Variants in MESP1 observed in about 807,000 individuals in gnomAD.
MESP1 encodes the protein mesoderm posterior bHLH transcription factor 1.
A neutral mutation model predicts 15.2 loss-of-function variants in MESP1; 22 were observed. The ratio of observed to expected loss-of-function variants is 1.45; its 90% CI spans 1.04 to 2.07. MESP1 has a LOEUF of 2.07. Ranked by LOEUF, MESP1 falls within the 30% of genes most tolerant of loss-of-function variation. MESP1 has a pLI of 0.00. For missense variants in MESP1, 484 were observed against 411.9 expected (o/e 1.17, Z -1.51); for synonymous variants, 216 against 192.6 (o/e 1.12, Z -1.01).
At chr15:89,736,942 C>T in the MESP1 span, among the ~76,000 whole-genome samples, 1 of 152,132 alleles carries the variant, frequency 6.6e-6, no homozygotes, top group Non-Finnish European at 1.5e-5. Context: ...CAGGTGCCCG[C>T]TAGCACGCCA....
the MESP1 span, among the ~76,000 whole-genome samples, chr15:89,742,149 A>T: frequency 6.6e-6 from 1 of 152,334 alleles, no homozygotes; most frequent in South Asian, 2.1e-4. Context: ...GCAGTTTGGG[A>T]GACAGAGATG....
the MESP1 span, among the ~76,000 whole-genome samples, chr15:89,734,986 C>CTCCTTCCT: frequency 6.7e-5 from 10 of 149,784 alleles, no homozygotes; most frequent in African/African-American, 2.5e-4. Context: ...CCCTCCGTCC[C>CTCCTTCCT]TCCTTCCTTC....
chr15:89,750,772 G>T lies in MESP1; in HGVS notation c.460C>A (p.Arg154Ser). The T allele has an allele frequency of 6.7e-7, 1 of 1,496,604 alleles. No individual in the cohort carries two copies. The highest frequency in any genetic ancestry group is 8.9e-7 in the Non-Finnish European group (1 of 1,127,966). 92.7% of individuals were successfully genotyped at this position (1,496,604 alleles called of 1,614,324 possible). ...CCCCGAGGGGACCCCGCGTCACCGCGCTGCCGGCACCGGCGCTGGAGACTC... is the reference window on the plus strand; with the variant it reads ...CCCCGAGGGGACCCCGCGTCACCGCTCTGCCGGCACCGGCGCTGGAGACTC... ...EESLQRRCRQ[R>S]GDAGSPRGCP... Residue 154 changes from arginine (R) to serine (S), a missense_variant, in exon 1 of 2, where the codon CGC becomes AGC. Arg to Ser is a moderately radical substitution (Grantham distance 110). Transcript: ENST00000300057.
In MESP1 at chr15:89,750,887, G is replaced by T; in HGVS notation, c.345C>A (p.Pro115=). ...LRRFLPPSVA[P]AGQSLTKIET... is the part of the protein sequence containing the mutation. ...CGATCTTGGTCAGGCTCTGGCCCGC[G>T]GGCGCCACGGACGGCGGTAGAAAGC... Residue 115 remains proline (P), a synonymous_variant, in exon 1 of 2, where the codon CCC becomes CCA. Transcript: ENST00000300057. 1 of 1,498,894 alleles carries T rather than the reference G, an allele frequency of 6.7e-7. No individual in the cohort carries two copies. Among genetic ancestry groups the T allele is most frequent in the East Asian group, 2.8e-5 (1 of 36,350 alleles). 92.8% of individuals were successfully genotyped at this position (1,498,894 alleles called of 1,614,324 possible).
At chr15:89,739,115 C>CAA in the MESP1 span, among the ~76,000 whole-genome samples, 27 of 127,232 alleles carry the variant, frequency 2.1e-4, no homozygotes, top group East Asian at 5.8e-3. Flanking sequence ...GACCCTGCCT[C>CAA]AAAAAAAAAA....
chr15:89,742,269 T>C, the MESP1 span, among the ~76,000 whole-genome samples: 1 of 152,074 alleles, frequency 6.6e-6, no homozygotes, highest in African/African-American at 2.4e-5. Context: ...TTAATTAAAA[T>C]CTTATCTCCA....
chr15:89,737,111 G>A, the MESP1 span, among the ~76,000 whole-genome samples: 1 of 152,178 alleles, frequency 6.6e-6, no homozygotes, highest in South Asian at 2.1e-4. Context: ...TTCTAAGGAT[G>A]GGGAGAGTTT....
At chr15:89,740,129 A>G in the MESP1 span, among the ~76,000 whole-genome samples, 3 of 152,180 alleles carry the variant, frequency 2.0e-5, no homozygotes, top group African/African-American at 4.8e-5. Flanking sequence ...TGATACATGG[A>G]AAGTACCAGG....
At position 89,751,009 on chromosome 15, in the gene MESP1, G is replaced by GCGCGC; in HGVS notation, c.218_222dup (p.Arg75AlafsTer48). 1 of 1,364,418 alleles carries GCGCGC rather than the reference G, an allele frequency of 7.3e-7. No homozygotes were observed. The highest frequency in any genetic ancestry group is 9.4e-7 in the Non-Finnish European group (1 of 1,066,404). The allele number at this position is 1,364,418 out of a possible 1,614,324, so 84.5% of individuals were successfully genotyped here. ...TGCCCGCTGCCCAGGCGGCTGCTGC[G>GCGCGC]CGCGCCGCGCCTACCTACGGAGGGG... On this transcript the variant is annotated frameshift_variant, in exon 1 of 2. Coordinates refer to ENST00000300057, the MANE Select transcript of MESP1 (RefSeq NM_018670.4). LOFTEE classifies it high-confidence loss of function.
the MESP1 span, chr15:89,735,679 C>A: frequency 1.1e-6 from 1 of 948,004 alleles, no homozygotes. Flanking sequence ...GACTAGCTTT[C>A]GGGTTTACAA....
downstream of MESP1, chr15:89,749,179 G>C (rs529872570): frequency 6.6e-6 from 1 of 152,298 alleles, no homozygotes; most frequent in South Asian, 2.1e-4. Flanking sequence ...TGTGGATTCC[G>C]ATGCAACCCC....
the MESP1 span, chr15:89,737,901 T>A: frequency 7.6e-7 from 1 of 1,311,252 alleles, no homozygotes; most frequent in Non-Finnish European, 1.0e-6. Context: ...GCCAGCAGGG[T>A]CTTCTCTCTG....
the MESP1 span, among the ~76,000 whole-genome samples, chr15:89,738,853 G>A: frequency 6.6e-6 from 1 of 152,074 alleles, no homozygotes; most frequent in East Asian, 1.9e-4. Flanking sequence ...GGTGGCTCAT[G>A]CCTGTAATCC....
At chr15:89,746,456 C>A (rs984752613), downstream of MESP1, among the ~76,000 whole-genome samples, 67 of 151,254 alleles carry the variant, frequency 4.4e-4, no homozygotes, top group African/African-American at 1.6e-3. Flanking sequence ...AGCATCCACA[C>A]CTCCACACAC....
downstream of MESP1, among the ~76,000 whole-genome samples, chr15:89,745,578 A>G (rs1967920705): frequency 6.6e-6 from 1 of 152,102 alleles, no homozygotes; most frequent in Non-Finnish European, 1.5e-5. The surrounding 1 kb of genome is among the most constrained non-coding windows in gnomAD (Gnocchi z 4.8). Flanking sequence ...CCTGGCTAAC[A>G]AGGTGAAACC....
the MESP1 span, among the ~76,000 whole-genome samples, chr15:89,744,842 G>C: frequency 1.3e-5 from 2 of 152,154 alleles, no homozygotes; most frequent in South Asian, 2.1e-4. Flanking sequence ...CTTCAGGCAG[G>C]CCTTCCACTT....
chr15:89,732,885 T>C, the MESP1 span: 3 of 850,080 alleles, frequency 3.5e-6, no homozygotes, highest in African/African-American at 3.4e-5. Flanking sequence ...AGGGTGCTCA[T>C]TGCTTGATTT....
chr15:89,737,656 A>T, the MESP1 span: 1 of 1,614,080 alleles, frequency 6.2e-7, no homozygotes, highest in Non-Finnish European at 8.5e-7. Context: ...CCCCTCCGGG[A>T]GCCTTTCCTC....
downstream of MESP1, among the ~76,000 whole-genome samples, chr15:89,747,549 G>A (rs555657579): frequency 7.5e-3 from 1,143 of 152,336 alleles, 18 homozygotes; most frequent in African/African-American, 0.026. Context: ...CGGCACGTGG[G>A]GCCTGGCCCA....
Sources: gnomAD v4.1 joint callset for allele counts (sites outside exome capture counted in the v4.1 genomes callset) on GRCh38, gnomAD v4.1.1 for gene constraint, Gnocchi (gnomAD v3.1) non-coding constraint, MANE v1.5 for transcripts, NCBI Gene and HGNC (gene_info 2026-07-23, HGNC 2026-07-21) for gene names.